TANC2: variants seen among roughly 807,000 people sequenced by gnomAD.
The protein encoded by TANC2 is protein TANC2.
TANC2 carries 26 observed loss-of-function variants against 210.5 expected under a neutral mutation model. The ratio of observed to expected loss-of-function variants is 0.12; its 90% confidence interval spans 0.09 to 0.17. The LOEUF (loss-of-function observed/expected upper bound fraction) is 0.17, where lower values mean the gene tolerates loss of function less well. Among genes scored for constraint, TANC2 ranks in the 10% least tolerant of loss-of-function variants. The probability of loss-of-function intolerance (pLI) is 1.00; values close to 1 mark genes in which losing one functional copy is unlikely to be tolerated. For missense variants in TANC2, 2,129 were observed against 2,608.9 expected (o/e 0.82, Z 4.01); for synonymous variants, 931 against 967.1 (o/e 0.96, Z 0.69).
exon 12 of TANC2, chr17:63,340,285 C>T (rs750928211): frequency 6.2e-7 from 1 of 1,613,908 alleles, no homozygotes; most frequent in East Asian, 2.2e-5. Context: ...GACCCCATGG[C>T]CTCCTTCCGG....
At chr17:63,061,034 G>A (rs1381453972) in intron 2 of TANC2, among the ~76,000 whole-genome samples, 1 of 152,002 alleles carries the variant, frequency 6.6e-6, no homozygotes, top group African/African-American at 2.4e-5. Flanking sequence ...GGGCAGTGTA[G>A]CAAGACCCTG....
intron 5 of TANC2, among the ~76,000 whole-genome samples, chr17:63,173,699 C>T (rs1004332410): frequency 5.3e-5 from 8 of 152,202 alleles, no homozygotes; most frequent in South Asian, 2.1e-4. Flanking sequence ...GCTGAATAAA[C>T]AGGCTTTTCC....
intron 2 of TANC2, among the ~76,000 whole-genome samples, chr17:63,013,672 G>C (rs1284910697): frequency 6.8e-6 from 1 of 146,054 alleles, no homozygotes; most frequent in Admixed American, 7.2e-5. Context: ...CAAGGCAGGA[G>C]AATCGCTTGA....
At chr17:63,083,378 G>A (rs1346338581) in intron 3 of TANC2, among the ~76,000 whole-genome samples, 2 of 152,102 alleles carry the variant, frequency 1.3e-5, no homozygotes, top group Non-Finnish European at 2.9e-5. Flanking sequence ...CAGACTTCAG[G>A]TGCTTGCCCA....
intron 9 of TANC2, among the ~76,000 whole-genome samples, chr17:63,289,267 C>T (rs1312216901): frequency 6.6e-6 from 1 of 151,998 alleles, no homozygotes; most frequent in Non-Finnish European, 1.5e-5. Context: ...TTATTCTGTT[C>T]CTTTTTCTCT....
intron 3 of TANC2, among the ~76,000 whole-genome samples, chr17:63,097,927 T>G (rs2037450348): frequency 6.6e-6 from 1 of 152,250 alleles, no homozygotes; most frequent in South Asian, 2.1e-4. Flanking sequence ...GTTTACTGAT[T>G]TGATGTCTAA....
chr17:63,087,452 C>A (rs756903112), intron 3 of TANC2, among the ~76,000 whole-genome samples: 2 of 151,546 alleles, frequency 1.3e-5, no homozygotes, highest in Non-Finnish European at 1.5e-5. Flanking sequence ...TTTTTTTTCT[C>A]CCTTCTCATA....
At chr17:63,077,045 C>T (rs1351688318) in intron 3 of TANC2, among the ~76,000 whole-genome samples, 1 of 152,028 alleles carries the variant, frequency 6.6e-6, no homozygotes, top group Non-Finnish European at 1.5e-5. Flanking sequence ...AAAAGGCTCA[C>T]TTTGTGCTTA....
intron 4 of TANC2, chr17:63,120,678 G>A (rs1047894147): frequency 1.3e-5 from 2 of 151,674 alleles, no homozygotes; most frequent in African/African-American, 2.4e-5. Flanking sequence ...TCCAGGCATG[G>A]TGGTGCACAC....
At chr17:63,383,578 G>C (rs911047228) in intron 15 of TANC2, among the ~76,000 whole-genome samples, 2 of 152,104 alleles carry the variant, frequency 1.3e-5, no homozygotes, top group African/African-American at 4.8e-5. Context: ...TTCACTATAA[G>C]GATTTACTAC....
At chr17:63,067,531 T>G (rs1287482937) in intron 2 of TANC2, among the ~76,000 whole-genome samples, 2 of 151,638 alleles carry the variant, frequency 1.3e-5, no homozygotes, top group African/African-American at 4.8e-5. Flanking sequence ...GGAAAAAAAT[T>G]AAAAAATACT....
chr17:63,254,495 G>C (rs1288859806), intron 8 of TANC2, among the ~76,000 whole-genome samples: 1 of 151,962 alleles, frequency 6.6e-6, no homozygotes, highest in East Asian at 1.9e-4. Flanking sequence ...GCTCTAGCTG[G>C]GACTTCCAGA....
At position 63,398,921 on chromosome 17, in the gene TANC2, C is replaced by T; in HGVS notation, c.3331+7C>T. The T allele has an allele frequency of 6.4e-7, 1 of 1,573,112 alleles. No individual in the cohort carries two copies. Among genetic ancestry groups the T allele is most frequent in the Non-Finnish European group, 8.6e-7 (1 of 1,156,726 alleles). On this transcript the variant is annotated splice_region_variant and intron_variant, in intron 19 of 27. Transcript: ENST00000689528. ...AGTCTCTGGGGAGAGACAGGTACCT[C>T]TCATGGACGTTGCCCTCAAGAATGT...
chr17:63,199,152 T>C (rs2041446341), intron 6 of TANC2, among the ~76,000 whole-genome samples: 1 of 152,178 alleles, frequency 6.6e-6, no homozygotes, highest in African/African-American at 2.4e-5. Flanking sequence ...AATATTCTCA[T>C]AGCTAGTTAT....
intron 2 of TANC2, among the ~76,000 whole-genome samples, chr17:63,016,413 A>C (rs1038358543): frequency 6.6e-6 from 1 of 152,172 alleles, no homozygotes; most frequent in African/African-American, 2.4e-5. Flanking sequence ...TGTCTCTACA[A>C]AAAAAATTTT....
intron 4 of TANC2, among the ~76,000 whole-genome samples, chr17:63,138,938 CTG>C (rs1245041524): frequency 6.6e-6 from 1 of 152,224 alleles, no homozygotes; most frequent in African/African-American, 2.4e-5. Context: ...CAGATTCAGT[CTG>C]TGCTTCCTCT....
chr17:63,393,772 TATTA>T (rs761477387), intron 17 of TANC2, among the ~76,000 whole-genome samples: 3 of 127,304 alleles, frequency 2.4e-5, no homozygotes, highest in Non-Finnish European at 5.2e-5. Flanking sequence ...TTATTATTAT[TATTA>T]TTTTTTTTTT....
intron 3 of TANC2, among the ~76,000 whole-genome samples, chr17:63,095,304 T>C (rs1272189430): frequency 6.6e-6 from 1 of 152,028 alleles, no homozygotes; most frequent in African/African-American, 2.4e-5. Context: ...GCCTTCCGAG[T>C]AGCTGGGACG....
rs75174489 is a variant in TANC2 at position 63,324,776 on chromosome 17, A to G, written c.1575+5686A>G. ...AATTTCTATGTTGTTTTTATTTTCT[A>G]CCTCTTCCACTAGAATGGGTCAGTG... On this transcript the variant is annotated intron_variant, in intron 11 of 27. Transcript: ENST00000689528. 2.8e-4 allele frequency among the ~76,000 whole-genome samples: 43 copies of G among 152,210 alleles called. No homozygotes were observed. The East Asian group carries it at 6.7e-3, about 24-fold the overall frequency.
Sources: gnomAD v4.1 joint callset for allele counts (sites outside exome capture counted in the v4.1 genomes callset) on GRCh38, gnomAD v4.1.1 for gene constraint, MANE v1.5 for transcripts, NCBI Gene and HGNC (gene_info 2026-07-23, HGNC 2026-07-21) for gene names.